The following DNER variants were observed in gnomAD, a reference collection of about 807,000 sequenced individuals.
DNER encodes the protein delta/notch like EGF repeat containing, also known as delta and Notch-like epidermal growth factor-related receptor.
In DNER, 33 loss-of-function variants were observed where a neutral mutation model predicts 78.2. The ratio of observed to expected loss-of-function variants is 0.42; its 90% CI spans 0.32 to 0.56. DNER has a LOEUF of 0.56. Among genes scored for constraint, DNER ranks in the 20% least tolerant of loss-of-function variants. The pLI is 0.11. For missense variants in DNER, 918 were observed against 975.3 expected (o/e 0.94, Z 0.78); for synonymous variants, 417 against 384.8 (o/e 1.08, Z -0.98).
At chr2:229,661,543 A>G (rs143496268) in intron 1 of DNER, among the ~76,000 whole-genome samples, 47 of 152,336 alleles carry the variant, frequency 3.1e-4, no homozygotes, top group African/African-American at 1.1e-3. Flanking sequence ...TCAGACATCA[A>G]ATGTCAACAA....
At chr2:229,652,429 A>G (rs1340210300) in intron 1 of DNER, among the ~76,000 whole-genome samples, 1 of 152,244 alleles carries the variant, frequency 6.6e-6, no homozygotes, top group Non-Finnish European at 1.5e-5. Flanking sequence ...TGCATCTATC[A>G]GAGCATCATA....
At chr2:229,639,651 C>T (rs1698583925) in intron 1 of DNER, among the ~76,000 whole-genome samples, 1 of 152,152 alleles carries the variant, frequency 6.6e-6, no homozygotes, top group African/African-American at 2.4e-5. Flanking sequence ...CATTATAAAA[C>T]TAAGCTTTTG....
intron 7 of DNER, among the ~76,000 whole-genome samples, chr2:229,453,969 G>C (rs924653746): frequency 6.7e-6 from 1 of 149,320 alleles, no homozygotes; most frequent in East Asian, 2.0e-4. Flanking sequence ...GGAGAGAAAG[G>C]TGTCACTGAA....
intron 4 of DNER, among the ~76,000 whole-genome samples, chr2:229,554,644 G>A (rs10209649): frequency 0.01 from 1,574 of 152,128 alleles, 29 homozygotes; most frequent in African/African-American, 0.036. Context: ...AGCTGAGATC[G>A]TGCCACTTCA....
chr2:229,468,939 C>T (rs1694864010), intron 7 of DNER, among the ~76,000 whole-genome samples: 1 of 152,148 alleles, frequency 6.6e-6, no homozygotes, highest in Non-Finnish European at 1.5e-5. Flanking sequence ...TGGAAGTAAC[C>T]AGATGAGATG....
intron 11 of DNER, among the ~76,000 whole-genome samples, chr2:229,376,025 C>G (rs1692590503): frequency 6.6e-6 from 1 of 152,158 alleles, no homozygotes; most frequent in South Asian, 2.1e-4. Flanking sequence ...TCCTTCCTGC[C>G]ACCTTGTGAA....
chr2:229,576,607 T>C (rs1697306415), intron 4 of DNER, among the ~76,000 whole-genome samples: 2 of 152,070 alleles, frequency 1.3e-5, no homozygotes, highest in Non-Finnish European at 2.9e-5. Context: ...AAGTTTACAG[T>C]TTAATTAAAC....
chr2:229,382,998 A>C (rs1692779119), intron 11 of DNER, among the ~76,000 whole-genome samples: 1 of 152,212 alleles, frequency 6.6e-6, no homozygotes, highest in African/African-American at 2.4e-5. Flanking sequence ...AAAAATGTTA[A>C]GGGCAGCCAG....
intron 7 of DNER, among the ~76,000 whole-genome samples, chr2:229,462,538 C>A (rs1009760129): frequency 7.9e-5 from 12 of 151,988 alleles, no homozygotes; most frequent in Non-Finnish European, 1.6e-4. Flanking sequence ...CATCATGAAC[C>A]CAAACACTTT....
chr2:229,642,647 C>T (rs1198872502), intron 1 of DNER, among the ~76,000 whole-genome samples: 2 of 152,152 alleles, frequency 1.3e-5, no homozygotes, highest in Non-Finnish European at 2.9e-5. Context: ...GAGCCACTGC[C>T]CTTCCTGTAA....
At chr2:229,489,984 A>T (rs1695363332) in intron 6 of DNER, among the ~76,000 whole-genome samples, 1 of 152,114 alleles carries the variant, frequency 6.6e-6, no homozygotes, top group African/African-American at 2.4e-5. Context: ...AGAGAGTGGA[A>T]GAGAAAGAAG....
intron 1 of DNER, among the ~76,000 whole-genome samples, chr2:229,650,859 C>T (rs916190350): frequency 6.6e-5 from 10 of 152,154 alleles, no homozygotes; most frequent in Non-Finnish European, 1.3e-4. Context: ...TGGGACGCAT[C>T]GGGTGGGCAG....
At chr2:229,532,394 C>T (rs779200468) in intron 5 of DNER, among the ~76,000 whole-genome samples, 16 of 152,168 alleles carry the variant, frequency 1.1e-4, no homozygotes, top group Non-Finnish European at 1.8e-4. Context: ...GTATCCTCTG[C>T]TCTAGAAGCA....
chr2:229,489,438 A>T (rs961888451), intron 6 of DNER, among the ~76,000 whole-genome samples: 2 of 152,026 alleles, frequency 1.3e-5, no homozygotes, highest in Non-Finnish European at 2.9e-5. Context: ...GCCAGACTGC[A>T]ATCAAGTGTG....
intron 6 of DNER, among the ~76,000 whole-genome samples, chr2:229,499,488 G>C (rs1695569574): frequency 6.7e-6 from 1 of 148,888 alleles, no homozygotes; most frequent in Non-Finnish European, 1.5e-5. Context: ...GGAATAGACA[G>C]TCTCTAAAAT....
intron 10 of DNER, among the ~76,000 whole-genome samples, chr2:229,397,309 G>A (rs541627901): frequency 2.0e-4 from 31 of 151,882 alleles, no homozygotes; most frequent in African/African-American, 7.0e-4. Context: ...TCCAGATTAG[G>A]TGCTGGAGAA....
chr2:229,449,503 C>T (rs957155795), intron 7 of DNER, among the ~76,000 whole-genome samples: 2 of 151,932 alleles, frequency 1.3e-5, no homozygotes, highest in African/African-American at 4.8e-5. Context: ...AATGAATTGA[C>T]CAAGCCACCC....
chr2:229,612,210 A>C (rs771738150), intron 1 of DNER, among the ~76,000 whole-genome samples: 4 of 152,206 alleles, frequency 2.6e-5, no homozygotes, highest in African/African-American at 9.7e-5. Context: ...GGATTAACAG[A>C]GAGAATCTAG....
At chr2:229,372,781 A>G (rs1045194784) in intron 11 of DNER, among the ~76,000 whole-genome samples, 4 of 152,086 alleles carry the variant, frequency 2.6e-5, no homozygotes, top group African/African-American at 7.2e-5. Context: ...AACTTGACCT[A>G]TGGTGATGGG....
Sources: gnomAD v4.1 joint callset for allele counts (sites outside exome capture counted in the v4.1 genomes callset) on GRCh38, gnomAD v4.1.1 for gene constraint, MANE v1.5 for transcripts, NCBI Gene and HGNC (gene_info 2026-07-23, HGNC 2026-07-21) for gene names.